Variants in TAFA1 observed in about 807,000 individuals in gnomAD.
The protein encoded by TAFA1 is TAFA chemokine like family member 1.
Under a neutral mutation model 18.5 loss-of-function variants are expected in TAFA1, and 4 were observed. That is an observed-to-expected ratio of 0.22 (90% CI 0.11 to 0.49). The LOEUF (loss-of-function observed/expected upper bound fraction) is 0.49, where lower values mean the gene tolerates loss of function less well. TAFA1 is among the 20% of genes least tolerant of loss of function. The pLI, the probability that TAFA1 is intolerant of heterozygous loss-of-function variation, is 0.98. For missense variants in TAFA1, 147 were observed against 169.0 expected (o/e 0.87, Z 0.72); for synonymous variants, 56 against 55.2 (o/e 1.01, Z -0.06).
rs190442379 is a variant in TAFA1 at position 68,148,894 on chromosome 3, A to G, written c.118+142150A>G. 1.5e-3 allele frequency among the ~76,000 whole-genome samples: 230 copies of G among 152,356 alleles called. 3 individuals are homozygous for G. The highest frequency in any genetic ancestry group is 2.6e-3 in the Non-Finnish European group (179 of 68,032). On this transcript the variant is annotated intron_variant, in intron 2 of 4. Transcript: ENST00000478136. Reference sequence around the variant, plus strand: ...TACATCACTCTGAAATGGAATATAGAATACCAAAATGAATTTCTTTTTCAA... The same window carrying G: ...TACATCACTCTGAAATGGAATATAGGATACCAAAATGAATTTCTTTTTCAA...
intron 3 of TAFA1, among the ~76,000 whole-genome samples, chr3:68,507,146 C>G (rs2072772336): frequency 6.6e-6 from 1 of 152,062 alleles, no homozygotes; most frequent in South Asian, 2.1e-4. Flanking sequence ...TAGGCAGCCA[C>G]TAGCAATGGC....
chr3:68,142,719 T>C (rs2065682822), intron 2 of TAFA1, among the ~76,000 whole-genome samples: 1 of 152,216 alleles, frequency 6.6e-6, no homozygotes, highest in Admixed American at 6.5e-5. Context: ...CCAAGAGCAC[T>C]TTAAATACAC....
intron 2 of TAFA1, among the ~76,000 whole-genome samples, chr3:68,123,562 T>C (rs1016133472): frequency 3.5e-4 from 54 of 152,296 alleles, no homozygotes; most frequent in African/African-American, 1.3e-3. Context: ...TTCACTTTTC[T>C]GAAAAGAGAT....
chr3:68,361,278 G>T (rs896546016), intron 2 of TAFA1, among the ~76,000 whole-genome samples: 1 of 151,996 alleles, frequency 6.6e-6, no homozygotes, highest in Non-Finnish European at 1.5e-5. Context: ...CTCACAGGTA[G>T]GAGCTAAAAA....
chr3:68,403,179 T>C (rs1168769430), intron 2 of TAFA1, among the ~76,000 whole-genome samples: 1 of 152,230 alleles, frequency 6.6e-6, no homozygotes, highest in African/African-American at 2.4e-5. Flanking sequence ...TAGTAGGCTA[T>C]ACCATCTAGG....
At chr3:68,430,313 T>A (rs1559666479) in intron 3 of TAFA1, among the ~76,000 whole-genome samples, 1 of 151,678 alleles carries the variant, frequency 6.6e-6, no homozygotes, top group Non-Finnish European at 1.5e-5. Context: ...AAGCCATGGG[T>A]TTTAATCAAA....
chr3:68,156,685 G>C (rs148786437), intron 2 of TAFA1, among the ~76,000 whole-genome samples: 1 of 152,160 alleles, frequency 6.6e-6, no homozygotes, highest in East Asian at 1.9e-4. Context: ...ATTTAACAAT[G>C]AATATAACTT....
chr3:68,202,806 G>T (rs1309626943), intron 2 of TAFA1, among the ~76,000 whole-genome samples: 1 of 151,486 alleles, frequency 6.6e-6, no homozygotes, highest in Non-Finnish European at 1.5e-5. Flanking sequence ...TTGATATGTT[G>T]TTACTTTTAT....
intron 2 of TAFA1, among the ~76,000 whole-genome samples, chr3:68,340,798 T>C (rs1174414483): frequency 6.6e-6 from 1 of 152,146 alleles, no homozygotes; most frequent in African/African-American, 2.4e-5. Context: ...CAAAACTAAA[T>C]TTGATTTTTT....
intron 2 of TAFA1, among the ~76,000 whole-genome samples, chr3:68,238,201 C>G (rs1052826585): frequency 2.0e-5 from 3 of 152,114 alleles, no homozygotes; most frequent in African/African-American, 7.2e-5. Context: ...TGGGCCTGTA[C>G]AAGTGTCCAA....
intron 2 of TAFA1, among the ~76,000 whole-genome samples, chr3:68,252,771 T>A (rs1288675812): frequency 6.6e-6 from 1 of 152,210 alleles, no homozygotes; most frequent in Non-Finnish European, 1.5e-5. Flanking sequence ...TGATATGGTT[T>A]GGCAGTGTCC....
At chr3:68,489,579 G>A (rs749275526) in intron 3 of TAFA1, among the ~76,000 whole-genome samples, 2 of 152,064 alleles carry the variant, frequency 1.3e-5, no homozygotes, top group African/African-American at 2.4e-5. Context: ...ATTTAGGGTC[G>A]TGTTCAAAAT....
intron 2 of TAFA1, among the ~76,000 whole-genome samples, chr3:68,386,324 TCATATCACA>T (rs2070103086): frequency 2.0e-5 from 3 of 152,210 alleles, no homozygotes; most frequent in African/African-American, 7.2e-5. Flanking sequence ...ACAATCGTAA[TCATATCACA>T]TTTTTTAGAT....
At chr3:68,285,596 C>T (rs1212386113) in intron 2 of TAFA1, among the ~76,000 whole-genome samples, 1 of 152,048 alleles carries the variant, frequency 6.6e-6, no homozygotes, top group Non-Finnish European at 1.5e-5. Context: ...AAAAAACCTT[C>T]TGAATACCCA....
chr3:68,474,607 C>G (rs2072056899), intron 3 of TAFA1, among the ~76,000 whole-genome samples: 2 of 152,164 alleles, frequency 1.3e-5, no homozygotes, highest in African/African-American at 4.8e-5. Context: ...TCAAAAGAAC[C>G]AAGTTTACGT....
chr3:68,375,653 G>T (rs2069796120), intron 2 of TAFA1, among the ~76,000 whole-genome samples: 1 of 152,106 alleles, frequency 6.6e-6, no homozygotes, highest in Admixed American at 6.6e-5. Flanking sequence ...CAGATGTGAA[G>T]TCTGCTTTTT....
chr3:68,279,150 A>G (rs1291969581), intron 2 of TAFA1, among the ~76,000 whole-genome samples: 2 of 152,138 alleles, frequency 1.3e-5, no homozygotes, highest in Non-Finnish European at 2.9e-5. Context: ...CTTGACCTCA[A>G]AGTTTCCTAA....
intron 3 of TAFA1, among the ~76,000 whole-genome samples, chr3:68,495,002 A>AAAAAGAAAAG (rs1440302753): frequency 6.6e-6 from 1 of 151,950 alleles, no homozygotes; most frequent in Non-Finnish European, 1.5e-5. Flanking sequence ...CAACTAGAGT[A>AAAAAGAAAAG]AAAACAAAAG....
At chr3:68,096,351 C>A (rs546633051) in intron 2 of TAFA1, among the ~76,000 whole-genome samples, 1 of 152,100 alleles carries the variant, frequency 6.6e-6, no homozygotes, top group East Asian at 1.9e-4. Context: ...TTAGGTTATT[C>A]CATATCTTTG....
Sources: gnomAD v4.1 joint callset for allele counts (sites outside exome capture counted in the v4.1 genomes callset) on GRCh38, gnomAD v4.1.1 for gene constraint, MANE v1.5 for transcripts, NCBI Gene and HGNC (gene_info 2026-07-23, HGNC 2026-07-21) for gene names.